WDR3: variants seen among roughly 807,000 people sequenced by gnomAD.
The protein encoded by WDR3 is WD repeat domain 3, also known as WD repeat-containing protein 3.
Under a neutral mutation model 123.7 loss-of-function variants are expected in WDR3, and 81 were observed. That is an observed-to-expected ratio of 0.65 (90% confidence interval 0.55 to 0.79). WDR3 has a LOEUF of 0.79. Among genes scored for constraint, WDR3 ranks in the 30% least tolerant of loss-of-function variants. The pLI is 0.00. For synonymous variants in WDR3, 390 were observed against 388.8 expected, an observed-to-expected ratio of 1.00 and a Z score of -0.04; for missense variants, 1,027 against 1,123.2, an observed-to-expected ratio of 0.91 and a Z score of 1.22.
chr1:117,938,681 T>TCA, intron 5 of WDR3, 123 bp downstream of exon 5: 1 of 764,498 alleles, frequency 1.3e-6, no homozygotes, highest in Non-Finnish European at 2.0e-6. Context: ...ATATGCCATC[T>TCA]TGAGGGACAG....
chr1:117,964,220 T>A lies in WDR3; in HGVS notation c.*4773T>A. 9 of 201,566 alleles carry A rather than the reference T, an allele frequency of 4.5e-5. No homozygotes were observed. Among genetic ancestry groups the A allele is most frequent in the East Asian group, 3.1e-4 (3 of 9,608 alleles). 12.5% of individuals were successfully genotyped at this position (201,566 alleles called of 1,614,324 possible). ...GTATGGTCAAGCCCCAAACCATATC[T>A]ACATCAGATTTCATGCTTTTTTTTT... is the stretch of plus-strand genomic sequence containing the variant. On this transcript the variant is annotated 3_prime_UTR_variant, in exon 27 of 27. Transcript: ENST00000349139.
chr1:117,939,690 C>A, intron 6 of WDR3, 118 bp downstream of exon 6: 1 of 930,172 alleles, frequency 1.1e-6, no homozygotes, highest in Non-Finnish European at 1.7e-6. Context: ...TCTATCACAC[C>A]AATAACCTGC....
chr1:117,936,222 C>G (rs985183761), intron 3 of WDR3, among the ~76,000 whole-genome samples: 2 of 151,820 alleles, frequency 1.3e-5, no homozygotes, highest in African/African-American at 4.8e-5. Context: ...TAGTATGAAT[C>G]CAAAACTTTA....
At position 117,950,816 on chromosome 1, in the gene WDR3, T is replaced by A; in HGVS notation, c.1747-18T>A. The A allele has an allele frequency of 6.3e-7, 1 of 1,597,688 alleles. No individual in the cohort carries two copies. The highest frequency in any genetic ancestry group is 1.1e-5 in the South Asian group (1 of 88,752). On this transcript the variant is annotated intron_variant, in intron 15 of 26. Transcript: ENST00000349139. ...ATATTTTATAGACAGACATTAATTA[T>A]GTTTTTTTGATGTTTAGTTTTTTCT...
intron 6 of WDR3, among the ~76,000 whole-genome samples, chr1:117,940,474 A>G (rs900179410): frequency 3.3e-5 from 5 of 152,164 alleles, no homozygotes; most frequent in Non-Finnish European, 1.5e-5. Context: ...CTATAATCCC[A>G]GTACTTTGGG....
At chr1:117,952,750 C>CTGA in intron 19 of WDR3, 88 bp downstream of exon 19, 3 of 1,521,106 alleles carry the variant, frequency 2.0e-6, no homozygotes, top group Non-Finnish European at 2.7e-6. Flanking sequence ...GCAGTTACAC[C>CTGA]TGATGCATTG....
intron 13 of WDR3, among the ~76,000 whole-genome samples, 163 bp downstream of exon 13, chr1:117,948,669 A>G (rs1261223098): frequency 6.6e-6 from 1 of 152,026 alleles, no homozygotes; most frequent in Non-Finnish European, 1.5e-5. Context: ...TCATTATGAA[A>G]TGAAATCTTG....
At position 117,936,747 on chromosome 1, in the gene WDR3, CTGTA is replaced by C; in HGVS notation, c.382-20_382-17del. The C allele has an allele frequency of 6.5e-7, 1 of 1,541,790 alleles. No individual in the cohort carries two copies. The highest frequency in any genetic ancestry group is 8.8e-7 in the Non-Finnish European group (1 of 1,133,638). The stretch of plus-strand genomic sequence containing the variant: ...TATGGTAAAGAAAATTATTTTTCAT[CTGTA>C]TTATTTGATCCCTTTAGGACACAGA... On this transcript the variant is annotated intron_variant, in intron 3 of 26. Transcript: ENST00000349139.
chr1:117,950,494 T>G (rs1391629035), intron 15 of WDR3, among the ~76,000 whole-genome samples: 4 of 152,124 alleles, frequency 2.6e-5, no homozygotes, highest in Non-Finnish European at 5.9e-5. Context: ...CTGAGCCCTA[T>G]ACCCAGAGAG....
In WDR3 at chr1:117,954,079, T is replaced by G. The variant is rs1033948953; in HGVS notation, c.2341T>G (p.Cys781Gly). 4 of 1,612,194 alleles carry G rather than the reference T, an allele frequency of 2.5e-6. No individual in the cohort carries two copies. The African/African-American group carries it at 5.3e-5, about 22-fold the overall frequency. ...TAKMKEHKAICKAAGKEVPLP... is the reference protein window; with the variant it reads ...TAKMKEHKAIGKAAGKEVPLP... ...AAAAATGAAGGAACACAAAGCCATTTGTAAAGCTGCAGGGAAAGAGGTAAT... is the reference window on the plus strand; with the variant it reads ...AAAAATGAAGGAACACAAAGCCATTGGTAAAGCTGCAGGGAAAGAGGTAAT... The change falls in exon 22 of 27, where the codon TGT (cysteine) becomes GGT (glycine). Residue 781 changes from cysteine to glycine, a missense_variant. By Grantham distance (159) the Cys-to-Gly change is radical. Transcript: ENST00000349139.
chr1:117,949,553 G>A (rs746239612), intron 13 of WDR3, among the ~76,000 whole-genome samples, 198 bp from the exon 14 acceptor site: 4 of 152,096 alleles, frequency 2.6e-5, no homozygotes, highest in Non-Finnish European at 4.4e-5. Flanking sequence ...TATGTTAGTC[G>A]ATGGTAGGAA....
intron 24 of WDR3, among the ~76,000 whole-genome samples, chr1:117,955,986 A>G (rs1456076291): frequency 6.6e-6 from 1 of 152,174 alleles, no homozygotes; most frequent in Admixed American, 6.5e-5. Context: ...ATTACTTTCC[A>G]GGGTGATTAT....
At chr1:117,949,601 C>G (rs1420806538) in intron 13 of WDR3, 150 bp from the exon 14 acceptor site, 3 of 758,370 alleles carry the variant, frequency 4.0e-6, no homozygotes, top group Non-Finnish European at 6.1e-6. Flanking sequence ...CCCAAAAGAT[C>G]AGTGAAAGGG....
chr1:117,936,957 T>C, intron 4 of WDR3, 70 bp downstream of exon 4: 1 of 1,333,444 alleles, frequency 7.5e-7, no homozygotes, highest in South Asian at 1.3e-5. Context: ...CCTTACTCAT[T>C]TCTCTCATGA....
intron 1 of WDR3, chr1:117,929,997 G>C (rs538419761): frequency 2.0e-5 from 3 of 152,692 alleles, no homozygotes; most frequent in African/African-American, 7.2e-5. Context: ...GTGCTGAGCA[G>C]AGCTGCCTGA....
At chr1:117,952,738 G>T in intron 19 of WDR3, 76 bp downstream of exon 19, 1 of 1,561,356 alleles carries the variant, frequency 6.4e-7, no homozygotes, top group Non-Finnish European at 8.7e-7. Context: ...TTTCTGTCTA[G>T]TGCAGTTACA....
intron 21 of WDR3, 27 bp downstream of exon 21, chr1:117,953,568 C>T (rs763330920): frequency 1.0e-5 from 16 of 1,599,788 alleles, no homozygotes; most frequent in South Asian, 5.6e-5. Context: ...TGTGGTATCT[C>T]GTTTTTTAAT....
chr1:117,958,397 T>C (rs1427601953), intron 25 of WDR3, among the ~76,000 whole-genome samples: 1 of 152,260 alleles, frequency 6.6e-6, no homozygotes, highest in East Asian at 1.9e-4. Context: ...TTGCTGGTTC[T>C]ACGAGTAACA....
At chr1:117,933,209 C>CA (rs112360494) in intron 1 of WDR3, 79 bp from the exon 2 acceptor site, 56 of 1,298,998 alleles carry the variant, frequency 4.3e-5, no homozygotes, top group South Asian at 8.8e-5. Context: ...GTCTCAAAAA[C>CA]AAAAAAACAG....
Sources: allele counts gnomAD v4.1 joint callset (sites outside exome capture counted in the v4.1 genomes callset), GRCh38; gene constraint gnomAD v4.1.1; transcripts MANE v1.5; gene names NCBI Gene and HGNC (gene_info 2026-07-23, HGNC 2026-07-21).